Variants in TASOR observed in about 807,000 individuals in gnomAD.
TASOR encodes the protein protein TASOR.
A neutral mutation model predicts 178.6 loss-of-function variants in TASOR; 53 were observed. That is an observed-to-expected ratio of 0.30 (90% CI 0.24 to 0.37). The LOEUF (loss-of-function observed/expected upper bound fraction) is 0.37, where lower values mean the gene tolerates loss of function less well. Ranked by LOEUF, TASOR falls within the 10% of genes least tolerant of loss-of-function variation. The pLI, the probability that TASOR is intolerant of heterozygous loss-of-function variation, is 1.00. For synonymous variants in TASOR, 713 were observed against 696.2 expected, an observed-to-expected ratio of 1.02 and a Z score of -0.38; for missense variants, 1,815 against 1,971.4, an observed-to-expected ratio of 0.92 and a Z score of 1.50.
chr3:56,625,149 G>A (rs2076769335), intron 21 of TASOR, 143 bp from the exon 22 acceptor site: 1 of 739,698 alleles, frequency 1.4e-6, no homozygotes, highest in Non-Finnish European at 2.2e-6. Flanking sequence ...GATGTAGGGG[G>A]TGTGCTTCTT....
In TASOR at chr3:56,641,442, C is replaced by T. The variant is rs746698792; in HGVS notation, c.2526G>A (p.Gln842=). ...KVENAQFKGT[Q]SLLLEVDATS... is the part of the protein sequence containing the mutation. ...TTGCATCAACTTCTAGTAATAAGCT[C>T]TGAGTACCCTTAAACTGTGCATTTT... is the stretch of plus-strand genomic sequence containing the variant. The change falls in exon 15 of 24, where the codon CAG becomes CAA. Residue 842 remains glutamine (Q), a synonymous_variant. Transcript: ENST00000683822. 24 of 1,609,784 alleles carry T rather than the reference C, an allele frequency of 1.5e-5. No individual in the cohort carries two copies. In the South Asian group the frequency reaches 2.5e-4, roughly 17 times the overall value.
chr3:56,670,019 T>C, intron 4 of TASOR, 54 bp downstream of exon 4: 1 of 1,212,272 alleles, frequency 8.2e-7, no homozygotes, highest in Non-Finnish European at 1.2e-6. Context: ...GACAATGTAT[T>C]TTTAGACAGC....
chr3:56,669,852 A>G (rs2030491488), intron 4 of TASOR, 61 bp from the exon 5 acceptor site: 9 of 1,226,210 alleles, frequency 7.3e-6, no homozygotes, highest in Non-Finnish European at 9.1e-6. Flanking sequence ...TAGGACTAAA[A>G]TAAGACATTT....
intron 14 of TASOR, 33 bp from the exon 15 acceptor site, chr3:56,641,785 GT>G: frequency 1.3e-6 from 2 of 1,555,240 alleles, no homozygotes; most frequent in Non-Finnish European, 8.7e-7. Flanking sequence ...TTGAAGTTAA[GT>G]TTAAAAGCAA....
chr3:56,670,116 A>G lies in TASOR; in HGVS notation c.600T>C (p.His200=), dbSNP rs930013552. The G allele has an allele frequency of 1.9e-6, 3 of 1,540,730 alleles. No individual in the cohort carries two copies. The highest frequency in any genetic ancestry group is 2.5e-5 in the South Asian group (2 of 80,690). Residue 200 remains histidine (H), a synonymous_variant, in exon 4 of 24, where the codon CAT becomes CAC. Coordinates refer to ENST00000683822, the MANE Select transcript of TASOR (RefSeq NM_001365635.2). ...GAATTGTTATTTTGGACTGACCCAC[A>G]TGTAATCCTTTTTCACATATGGTTT... is the stretch of plus-strand genomic sequence containing the variant. The part of the protein sequence containing the change: ...QVQTICEKGL[H]VGQSKITILG...
chr3:56,630,865 T>A (rs1466281325), intron 18 of TASOR, among the ~76,000 whole-genome samples: 6 of 127,228 alleles, frequency 4.7e-5, no homozygotes, highest in African/African-American at 1.5e-4. Flanking sequence ...ATAAATTTTT[T>A]AAAATGTCAA....
At chr3:56,631,298 G>A (rs2076906402) in intron 18 of TASOR, among the ~76,000 whole-genome samples, 1 of 152,102 alleles carries the variant, frequency 6.6e-6, no homozygotes, top group African/African-American at 2.4e-5. Context: ...AGAAGGCTTA[G>A]GACATGTTAG....
At position 56,621,533 on chromosome 3, in the gene TASOR, G is replaced by GCCTT; in HGVS notation, c.*1500_*1503dup. ...AAACATATATCAATGTGATTTCAGG[G>GCCTT]CCTTCTCCAGAAGCAAAAGGAGTTG... On this transcript the variant is annotated 3_prime_UTR_variant, in exon 24 of 24. Coordinates refer to ENST00000683822, the MANE Select transcript of TASOR (RefSeq NM_001365635.2). 3.2e-6 allele frequency: 5 copies of GCCTT among 1,584,184 alleles called. No homozygotes were observed. Among genetic ancestry groups the GCCTT allele is most frequent in the Non-Finnish European group, 4.3e-6 (5 of 1,164,946 alleles).
In TASOR at chr3:56,669,435, G is replaced by A. The variant is rs1485108603; in HGVS notation, c.735+265C>T. ...GGAGAATGGCATGAACTCGGGAGGC[G>A]GAGCTTGCAGTGAGCCAAGATGGCG... On this transcript the variant is annotated intron_variant, in intron 5 of 23. Transcript: ENST00000683822. 2.0e-5 allele frequency among the ~76,000 whole-genome samples: 3 copies of A among 152,122 alleles called. No individual in the cohort carries two copies. In the East Asian group the frequency reaches 5.8e-4, roughly 29 times the overall value.
rs576314935 is a variant in TASOR, at chr3:56,633,959, T to C, written c.2832A>G (p.Lys944=). The change falls in exon 18 of 24, where the codon AAA becomes AAG. Residue 944 remains lysine, a synonymous_variant. Transcript: ENST00000683822. ...CACACACCAGTTGTTCTTCTGGTGATTTCATACCTATACAGGAAGAGTTCA... is the reference window on the plus strand; with the variant it reads ...CACACACCAGTTGTTCTTCTGGTGACTTCATACCTATACAGGAAGAGTTCA... ...KHGEKQTPGM[K]SPEEQLVCVP... is the part of the protein sequence containing the mutation. 2.7e-5 allele frequency: 42 copies of C among 1,542,518 alleles called. 1 individual carries two copies. The African/African-American group carries it at 5.6e-4, about 21-fold the overall frequency.
At chr3:56,658,916 AAGAG>A (rs369022860) in intron 11 of TASOR, among the ~76,000 whole-genome samples, 7,389 of 149,440 alleles carry the variant, frequency 0.049, 187 homozygotes, top group East Asian at 0.092. Context: ...TCAAAAAAAA[AAGAG>A]AGAGAGACAG....
chr3:56,677,105 G>C (rs887660812), intron 1 of TASOR, among the ~76,000 whole-genome samples: 2 of 152,148 alleles, frequency 1.3e-5, no homozygotes, highest in African/African-American at 4.8e-5. Flanking sequence ...TTAAGTTCAT[G>C]TTCTGAATGT....
At chr3:56,657,902 T>C (rs2077506979) in intron 11 of TASOR, among the ~76,000 whole-genome samples, 1 of 152,192 alleles carries the variant, frequency 6.6e-6, no homozygotes, top group Non-Finnish European at 1.5e-5. Context: ...TGTCCCCATC[T>C]TTTACCTATG....
Position 56,623,553 on chromosome 3 carries a change from G to T in TASOR, c.4497C>A (p.Asn1499Lys). The change falls in exon 24 of 24, where the codon AAC becomes AAA. Residue 1499 changes from asparagine (N) to lysine (K), a missense_variant. Asn to Lys is a moderately conservative substitution (Grantham distance 94, BLOSUM62 0). Coordinates refer to ENST00000683822, the MANE Select transcript of TASOR (RefSeq NM_001365635.2). ...NLESQSALLE[N>K]DEKDEEDMSL... ...ACATATCCTCTTCATCCTTTTCATC[G>T]TTTTCTAAAAGAGCTACATTTAAAA... 1 of 1,570,706 alleles carries T rather than the reference G, an allele frequency of 6.4e-7. No individual in the cohort carries two copies. Among genetic ancestry groups the T allele is most frequent in the Non-Finnish European group, 8.6e-7 (1 of 1,167,126 alleles).
intron 9 of TASOR, among the ~76,000 whole-genome samples, chr3:56,661,744 A>C (rs567895141): frequency 1.8e-4 from 28 of 152,234 alleles, no homozygotes; most frequent in Admixed American, 2.6e-4. Context: ...GGTAACTTTT[A>C]AGTCTACTAT....
intron 22 of TASOR, 70 bp from the exon 23 acceptor site, chr3:56,624,713 T>C: frequency 6.5e-7 from 1 of 1,547,224 alleles, no homozygotes; most frequent in Non-Finnish European, 8.8e-7. Context: ...CCTCACAAAA[T>C]CTTTTCCTTC....
In TASOR at chr3:56,633,665, T is replaced by C. The variant is rs199815999; in HGVS notation, c.3126A>G (p.Ser1042=). Residue 1042 remains serine, a synonymous_variant, in exon 18 of 24, where the codon TCA becomes TCG. Coordinates refer to ENST00000683822, the MANE Select transcript of TASOR (RefSeq NM_001365635.2). ...TAGGTGTGGAAACTGTACTGACATATGAAACATTCTTTTGCTTCAAAATCT... is the reference window on the plus strand; with the variant it reads ...TAGGTGTGGAAACTGTACTGACATACGAAACATTCTTTTGCTTCAAAATCT... ...IEEILKQKNV[S]YVSTVSTPIF... is the part of the protein sequence containing the mutation. The C allele has an allele frequency of 6.2e-6, 10 of 1,614,144 alleles. No individual in the cohort carries two copies. The highest frequency in any genetic ancestry group is 7.6e-6 in the Non-Finnish European group (9 of 1,180,016).
intron 11 of TASOR, among the ~76,000 whole-genome samples, chr3:56,651,618 T>C (rs2107589467): frequency 6.6e-6 from 1 of 152,026 alleles, no homozygotes; most frequent in Admixed American, 6.6e-5. Flanking sequence ...GAGAATTGCC[T>C]GATCCTGAGA....
At position 56,620,639 on chromosome 3, in the gene TASOR, T is replaced by G. The variant is rs1014922123; in HGVS notation, c.*2398A>C. 6.6e-6 allele frequency: 1 copy of G among 152,246 alleles called. No homozygotes were observed. The highest frequency in any genetic ancestry group is 2.1e-4 in the South Asian group (1 of 4,836). The allele number at this position is 152,246 out of a possible 1,614,324, so 9.4% of individuals were successfully genotyped here. On this transcript the variant is annotated 3_prime_UTR_variant, in exon 24 of 24. Transcript: ENST00000683822. ...AATTGTCCCCCCACTTTGGTCTATT[T>G]ACTCATTTGAAGACAAACAGGGTTA...
Sources: gnomAD v4.1 joint callset for allele counts (sites outside exome capture counted in the v4.1 genomes callset) on GRCh38, gnomAD v4.1.1 for gene constraint, MANE v1.5 for transcripts, NCBI Gene and HGNC (gene_info 2026-07-23, HGNC 2026-07-21) for gene names.